Variants in UNC13C observed in about 807,000 individuals in gnomAD.
UNC13C encodes unc-13 homolog C, also known as protein unc-13 homolog C.
Under a neutral mutation model 245.4 loss-of-function variants are expected in UNC13C, and 174 were observed. The ratio of observed to expected loss-of-function variants is 0.71; its 90% confidence interval spans 0.63 to 0.80. The LOEUF (loss-of-function observed/expected upper bound fraction) is 0.80, where lower values mean the gene tolerates loss of function less well. Ranked by LOEUF, UNC13C falls within the 30% of genes least tolerant of loss-of-function variation. The pLI is 0.00. For synonymous variants in UNC13C, 992 were observed against 895.1 expected (o/e 1.11, Z -1.93); for missense variants, 2,829 against 2,602.9 (o/e 1.09, Z -1.89).
At chr15:53,905,881 A>G in the UNC13C span, among the ~76,000 whole-genome samples, 1 of 152,130 alleles carries the variant, frequency 6.6e-6, no homozygotes, top group African/African-American at 2.4e-5. Context: ...CATATATCTT[A>G]AAAAAATAGA....
intron 4 of UNC13C, among the ~76,000 whole-genome samples, chr15:54,233,484 C>A (rs2035607334): frequency 6.6e-6 from 1 of 152,188 alleles, no homozygotes; most frequent in Non-Finnish European, 1.5e-5. Flanking sequence ...TGCATTTGAT[C>A]CTCACTTCCA....
At chr15:54,490,471 T>A (rs1356337280) in intron 19 of UNC13C, among the ~76,000 whole-genome samples, 2 of 151,972 alleles carry the variant, frequency 1.3e-5, no homozygotes, top group Non-Finnish European at 2.9e-5. Flanking sequence ...TTGGAGGAGA[T>A]CTATAAGTTC....
At chr15:54,183,429 G>T (rs1422385740) in intron 4 of UNC13C, among the ~76,000 whole-genome samples, 2 of 151,094 alleles carry the variant, frequency 1.3e-5, no homozygotes. Flanking sequence ...ATAGCAACTT[G>T]TCTTTGCAAA....
intron 2 of UNC13C, among the ~76,000 whole-genome samples, chr15:54,056,257 G>A (rs1048137625): frequency 6.6e-6 from 1 of 152,096 alleles, no homozygotes; most frequent in African/African-American, 2.4e-5. Context: ...ATGCAGAGAA[G>A]TCCTTAAAGG....
chr15:54,230,438 T>C (rs2035518263), intron 4 of UNC13C, among the ~76,000 whole-genome samples: 1 of 149,214 alleles, frequency 6.7e-6, no homozygotes, highest in Non-Finnish European at 1.5e-5. Context: ...ATATATTCAA[T>C]ATGTTATCAG....
At chr15:54,226,805 T>G (rs936931364) in intron 4 of UNC13C, among the ~76,000 whole-genome samples, 4 of 152,290 alleles carry the variant, frequency 2.6e-5, no homozygotes, top group African/African-American at 7.2e-5. Context: ...TGTAGGCACC[T>G]GTGTCTGGAC....
At chr15:54,038,124 A>ATATATATTTTTTTTTTTTTTT in intron 2 of UNC13C, among the ~76,000 whole-genome samples, 2 of 45,034 alleles carry the variant, frequency 4.4e-5, no homozygotes, top group East Asian at 1.1e-3. Context: ...ATATATATAT[A>ATATATATTTTTTTTTTTTTTT]TTTTTTTTTT....
At chr15:54,089,117 T>C (rs1899416603) in intron 2 of UNC13C, among the ~76,000 whole-genome samples, 1 of 152,184 alleles carries the variant, frequency 6.6e-6, no homozygotes, top group Admixed American at 6.5e-5. Flanking sequence ...TCCTGCATGC[T>C]CCTGCTTTGA....
chr15:54,218,295 C>T (rs1023215490), intron 4 of UNC13C, among the ~76,000 whole-genome samples: 6 of 151,930 alleles, frequency 3.9e-5, no homozygotes, highest in Non-Finnish European at 8.8e-5. Flanking sequence ...CCCCTCATTC[C>T]CCATCTGTTT....
chr15:54,297,163 T>C (rs1441753117), intron 11 of UNC13C, among the ~76,000 whole-genome samples: 2 of 152,246 alleles, frequency 1.3e-5, no homozygotes, highest in South Asian at 2.1e-4. Context: ...TACACCGTTT[T>C]TCTTGATTTT....
chr15:54,543,385 G>A (rs991117971), intron 26 of UNC13C, among the ~76,000 whole-genome samples: 1 of 143,562 alleles, frequency 7.0e-6, no homozygotes, highest in Non-Finnish European at 1.5e-5. Flanking sequence ...AAAATTAAAA[G>A]AACTAGAGAA....
chr15:54,440,693 C>T (rs1015422457), intron 19 of UNC13C, among the ~76,000 whole-genome samples: 1 of 151,984 alleles, frequency 6.6e-6, no homozygotes, highest in African/African-American at 2.4e-5. Context: ...ATTGGTGGAT[C>T]CTACAGTAGT....
At chr15:54,369,288 G>C (rs1183364184) in intron 17 of UNC13C, among the ~76,000 whole-genome samples, 1 of 151,954 alleles carries the variant, frequency 6.6e-6, no homozygotes, top group East Asian at 1.9e-4. Context: ...CAGTTATTTG[G>C]GATAAGGTTA....
chr15:54,085,516 C>T (rs1899189657), intron 2 of UNC13C, among the ~76,000 whole-genome samples: 1 of 152,064 alleles, frequency 6.6e-6, no homozygotes. Context: ...TGTCAGTGCC[C>T]AGAAGCCTAG....
At chr15:54,143,187 A>T in intron 3 of UNC13C, 147 bp downstream of exon 3, 1 of 824,406 alleles carries the variant, frequency 1.2e-6, no homozygotes, top group South Asian at 1.6e-5. Context: ...TTGTCCTTTA[A>T]GTGTGCCTCT....
chr15:54,489,725 A>T (rs999968964), intron 19 of UNC13C, among the ~76,000 whole-genome samples: 1 of 152,162 alleles, frequency 6.6e-6, no homozygotes, highest in Non-Finnish European at 1.5e-5. Context: ...ACCTGCCACA[A>T]ATACTGGGGT....
chr15:54,153,729 T>G (rs900079844), intron 4 of UNC13C, among the ~76,000 whole-genome samples: 6 of 152,068 alleles, frequency 3.9e-5, no homozygotes, highest in African/African-American at 1.4e-4. Flanking sequence ...GTAGATATAT[T>G]TCTAGATTTC....
At chr15:54,603,079 C>T (rs1899532586) in intron 30 of UNC13C, among the ~76,000 whole-genome samples, 3 of 152,194 alleles carry the variant, frequency 2.0e-5, no homozygotes, top group Admixed American at 2.0e-4. Flanking sequence ...ACACAAAGAA[C>T]TCTTAGCTGT....
chr15:54,318,905 G>A (rs1002767844), intron 13 of UNC13C, among the ~76,000 whole-genome samples: 5 of 151,752 alleles, frequency 3.3e-5, no homozygotes, highest in Non-Finnish European at 5.9e-5. Context: ...TTATTCCTGT[G>A]TCGCTCTACT....
Sources: allele counts gnomAD v4.1 joint callset (sites outside exome capture counted in the v4.1 genomes callset), GRCh38; gene constraint gnomAD v4.1.1; transcripts MANE v1.5; gene names NCBI Gene and HGNC (gene_info 2026-07-23, HGNC 2026-07-21).